The following C8orf34 variants were observed in gnomAD, a reference collection of about 807,000 sequenced individuals.
The protein encoded by C8orf34 is chromosome 8 open reading frame 34.
In C8orf34, 65 loss-of-function variants were observed where a neutral mutation model predicts 68.3. That is an observed-to-expected ratio of 0.95 (90% CI 0.78 to 1.17). The LOEUF (loss-of-function observed/expected upper bound fraction) is 1.17, where lower values mean the gene tolerates loss of function less well. Ranked by LOEUF, C8orf34 falls within the 50% of genes most tolerant of loss-of-function variation. C8orf34 has a pLI of 0.00. For synonymous variants in C8orf34, 244 were observed against 241.2 expected (o/e 1.01, Z -0.11); for missense variants, 664 against 655.4 (o/e 1.01, Z -0.14).
At chr8:68,657,227 A>T (rs1375975088) in intron 8 of C8orf34, among the ~76,000 whole-genome samples, 1 of 152,110 alleles carries the variant, frequency 6.6e-6, no homozygotes, top group Non-Finnish European at 1.5e-5. Context: ...CTTTTCTGTA[A>T]AGTTCTTGCA....
intron 8 of C8orf34, among the ~76,000 whole-genome samples, chr8:68,667,196 T>C (rs1819869177): frequency 6.6e-6 from 1 of 152,214 alleles, no homozygotes; most frequent in South Asian, 2.1e-4. Flanking sequence ...TATATTCCCT[T>C]GGTCCATCAA....
At chr8:68,751,250 T>G (rs973288651) in intron 10 of C8orf34, among the ~76,000 whole-genome samples, 6 of 152,144 alleles carry the variant, frequency 3.9e-5, no homozygotes, top group African/African-American at 1.2e-4. Flanking sequence ...CAATATATGC[T>G]TACTATAAGC....
intron 13 of C8orf34, among the ~76,000 whole-genome samples, chr8:68,817,829 T>G (rs2958327): frequency 0.85 from 129,753 of 152,120 alleles, 55,580 homozygotes; most frequent in Middle Eastern, 0.94. Flanking sequence ...TCACAAGGCA[T>G]CAGGAAGGAG....
At chr8:68,484,322 C>G (rs1812984890) in intron 4 of C8orf34, among the ~76,000 whole-genome samples, 1 of 152,174 alleles carries the variant, frequency 6.6e-6, no homozygotes, top group African/African-American at 2.4e-5. Context: ...CAGCCCTCAC[C>G]TCTAACATTG....
intron 8 of C8orf34, among the ~76,000 whole-genome samples, chr8:68,687,980 G>A (rs1039617783): frequency 6.6e-6 from 1 of 152,042 alleles, no homozygotes; most frequent in African/African-American, 2.4e-5. Context: ...GACAGGAATA[G>A]ACATTTCTCA....
At chr8:68,601,454 G>T (rs1817695897) in intron 7 of C8orf34, among the ~76,000 whole-genome samples, 1 of 151,242 alleles carries the variant, frequency 6.6e-6, no homozygotes, top group Admixed American at 6.6e-5. Context: ...AAATTTTATT[G>T]CTCTGTCCTC....
chr8:68,417,148 A>G (rs975729516), intron 1 of C8orf34, among the ~76,000 whole-genome samples: 1 of 152,180 alleles, frequency 6.6e-6, no homozygotes, highest in African/African-American at 2.4e-5. Flanking sequence ...AAATACTTTA[A>G]TTGAAATATT....
intron 8 of C8orf34, among the ~76,000 whole-genome samples, chr8:68,676,358 C>A (rs777975617): frequency 2.6e-5 from 4 of 151,980 alleles, no homozygotes; most frequent in Non-Finnish European, 4.4e-5. Flanking sequence ...ATGCACCTAA[C>A]TCTAGAGCAC....
At chr8:68,445,135 C>G (rs548549109) in intron 2 of C8orf34, among the ~76,000 whole-genome samples, 11 of 152,064 alleles carry the variant, frequency 7.2e-5, no homozygotes, top group Non-Finnish European at 1.6e-4. Context: ...AATTTTCATG[C>G]CTTTTTGGTA....
chr8:68,529,892 A>G (rs745453991), intron 6 of C8orf34, among the ~76,000 whole-genome samples: 1 of 152,046 alleles, frequency 6.6e-6, no homozygotes, highest in Non-Finnish European at 1.5e-5. Flanking sequence ...CATCCTATAT[A>G]TATATTTAGG....
Position 68,468,794 on chromosome 8 carries a change from G to A in C8orf34, c.710G>A (p.Gly237Glu). The change falls in exon 4 of 14, where the codon GGG becomes GAG. Residue 237 changes from glycine to glutamate, a missense_variant. Gly to Glu is a moderately conservative substitution (Grantham distance 98). Coordinates refer to ENST00000518698, the MANE Select transcript of C8orf34 (RefSeq NM_052958.4). Reference sequence around the variant, plus strand: ...ATCCTTCAGGAGAGCAAGAAGCTGGGGAAAGCCCTTGAGAATCTCTCTCGA... The same window carrying A: ...ATCCTTCAGGAGAGCAAGAAGCTGGAGAAAGCCCTTGAGAATCTCTCTCGA... ...NHILQESKKL[G>E]KALENLSRSI... The A allele has an allele frequency of 6.2e-7, 1 of 1,611,220 alleles. No homozygotes were observed.
chr8:68,427,266 C>A (rs1026314855), intron 1 of C8orf34, among the ~76,000 whole-genome samples: 15 of 152,068 alleles, frequency 9.9e-5, no homozygotes, highest in Admixed American at 6.6e-5. Context: ...ATTCATAATA[C>A]TAAAAACAGA....
chr8:68,786,804 A>G (rs1167006915), intron 11 of C8orf34, among the ~76,000 whole-genome samples: 1 of 152,226 alleles, frequency 6.6e-6, no homozygotes, highest in African/African-American at 2.4e-5. Context: ...GGCAACTTAA[A>G]AAGCGTGCTC....
rs1178139597 is a variant in C8orf34, at chr8:68,603,525, C to A, written c.1106-36851C>A. ...TATGTATATGTATATATACATATAT[C>A]TATCTATCTATCTATCTATCTATCT... On this transcript the variant is annotated intron_variant, in intron 7 of 13. Coordinates refer to ENST00000518698, the MANE Select transcript of C8orf34 (RefSeq NM_052958.4). Among the ~76,000 whole-genome samples, 107 of 119,478 alleles carry A rather than the reference C, an allele frequency of 9.0e-4. 1 individual carries two copies. The highest frequency in any genetic ancestry group is 1.3e-3 in the African/African-American group (46 of 36,064). 78.4% of individuals were successfully genotyped at this position (119,478 alleles called of 152,430 possible). A position where few individuals can be genotyped will look rare whatever the true frequency, so the allele number is the denominator to read the frequency against.
In C8orf34 at chr8:68,797,344, A is replaced by C. The variant is rs552735703; in HGVS notation, c.1549+9808A>C. On this transcript the variant is annotated intron_variant, in intron 12 of 13. Coordinates refer to ENST00000518698, the MANE Select transcript of C8orf34 (RefSeq NM_052958.4). Reference sequence around the variant, plus strand: ...ATGTCACTTAATTAGTGGCAGAGGCAGGACTAGAATGAAGGTCTCCTGATT... The same window carrying C: ...ATGTCACTTAATTAGTGGCAGAGGCCGGACTAGAATGAAGGTCTCCTGATT... Among the ~76,000 whole-genome samples the C allele has an allele frequency of 1.4e-3, 214 of 152,258 alleles. 1 individual carries two copies. The highest frequency in any genetic ancestry group is 4.9e-3 in the African/African-American group (203 of 41,564).
Position 68,446,349 on chromosome 8 carries a change from G to A in C8orf34, c.496G>A (p.Asp166Asn). The change falls in exon 3 of 14, where the codon GAT (aspartate) becomes AAT (asparagine). Residue 166 changes from aspartate (D) to asparagine (N), a missense_variant. Coordinates refer to ENST00000518698, the MANE Select transcript of C8orf34 (RefSeq NM_052958.4). ...EKSESKGTRR[D>N]FRSYDKPWQL... is the part of the protein sequence containing the mutation. ...AACAGAATCCAAAGGAACAAGAAGG[G>A]ATTTCAGAAGCTATGATAAACCTTG... The A allele has an allele frequency of 1.2e-6, 2 of 1,600,472 alleles. No homozygotes were observed. Among genetic ancestry groups the A allele is most frequent in the Non-Finnish European group, 1.7e-6 (2 of 1,176,374 alleles).
At chr8:68,616,123 G>T (rs1172135243) in intron 7 of C8orf34, among the ~76,000 whole-genome samples, 1 of 151,208 alleles carries the variant, frequency 6.6e-6, no homozygotes, top group East Asian at 1.9e-4. Flanking sequence ...ATTTCTGTGG[G>T]ATCGGTGGTG....
At chr8:68,749,847 C>T (rs954027575) in intron 10 of C8orf34, among the ~76,000 whole-genome samples, 1 of 152,102 alleles carries the variant, frequency 6.6e-6, no homozygotes, top group Non-Finnish European at 1.5e-5. Flanking sequence ...TGTTTGGATT[C>T]ACTACATTTT....
chr8:68,526,671 ATT>A (rs1815003587), intron 6 of C8orf34, among the ~76,000 whole-genome samples: 1 of 145,336 alleles, frequency 6.9e-6, no homozygotes, highest in Non-Finnish European at 1.5e-5. Context: ...GCACCCTTTA[ATT>A]AATGACTGGA....
Sources: allele counts gnomAD v4.1 joint callset (sites outside exome capture counted in the v4.1 genomes callset), GRCh38; gene constraint gnomAD v4.1.1; transcripts MANE v1.5; gene names NCBI Gene and HGNC (gene_info 2026-07-23, HGNC 2026-07-21).